Variants in MYOF observed in about 807,000 individuals in gnomAD.
The protein encoded by MYOF is fer-1-like 3, myoferlin.
A neutral mutation model predicts 284.2 loss-of-function variants in MYOF; 244 were observed. The ratio of observed to expected loss-of-function variants is 0.86; its 90% CI spans 0.77 to 0.95. The LOEUF is 0.95. Ranked by LOEUF, MYOF falls within the 40% of genes least tolerant of loss-of-function variation. The probability of loss-of-function intolerance (pLI) is 0.00; values close to 1 mark genes in which losing one functional copy is unlikely to be tolerated. For missense variants in MYOF, 2,496 were observed against 2,560.6 expected, an observed-to-expected ratio of 0.97 and a Z score of 0.54; for synonymous variants, 904 against 919.7, an observed-to-expected ratio of 0.98 and a Z score of 0.31.
chr10:93,475,247 C>T (rs2057233958), intron 1 of MYOF, among the ~76,000 whole-genome samples: 1 of 152,180 alleles, frequency 6.6e-6, no homozygotes, highest in Admixed American at 6.5e-5. Flanking sequence ...AAAGCACACC[C>T]CAGTGCAACA....
intron 3 of MYOF, among the ~76,000 whole-genome samples, chr10:93,431,746 CTTT>C (rs35400002): frequency 2.3e-5 from 3 of 131,788 alleles, no homozygotes; most frequent in Admixed American, 7.8e-5. Flanking sequence ...TCTTTCTTTT[CTTT>C]TTTTTTTTTT....
chr10:93,337,669 G>A, intron 40 of MYOF, 146 bp downstream of exon 40: 2 of 630,062 alleles, frequency 3.2e-6, no homozygotes, highest in South Asian at 4.5e-5. Context: ...ACTCATGCAA[G>A]AGGGCTCTCC....
chr10:93,451,931 T>A, intron 3 of MYOF, 119 bp downstream of exon 3: 1 of 787,084 alleles, frequency 1.3e-6, no homozygotes, highest in South Asian at 1.7e-5. Flanking sequence ...GGCATGGAAT[T>A]AAAGCACATT....
chr10:93,366,272 T>C, intron 26 of MYOF, 120 bp downstream of exon 26: 3 of 1,065,840 alleles, frequency 2.8e-6, no homozygotes, highest in East Asian at 2.4e-5. Flanking sequence ...ATGGACTTAG[T>C]TCTGCTCAGT....
chr10:93,379,158 C>G (rs1429195940), intron 21 of MYOF, among the ~76,000 whole-genome samples: 1 of 152,146 alleles, frequency 6.6e-6, no homozygotes, highest in Non-Finnish European at 1.5e-5. Context: ...AATCCCCAAC[C>G]TCCAAACAAA....
At chr10:93,374,677 T>A (rs1339949704) in intron 23 of MYOF, 86 bp downstream of exon 23, 4 of 1,374,612 alleles carry the variant, frequency 2.9e-6, no homozygotes, top group Non-Finnish European at 4.0e-6. Context: ...TGTAGTAGAT[T>A]CTCTTTCCAC....
intron 48 of MYOF, among the ~76,000 whole-genome samples, chr10:93,321,586 G>T (rs566269990): frequency 2.6e-5 from 4 of 151,970 alleles, no homozygotes; most frequent in African/African-American, 9.6e-5. Flanking sequence ...GTAACTCACT[G>T]AGGAGAGTTC....
intron 1 of MYOF, among the ~76,000 whole-genome samples, chr10:93,463,209 C>T (rs762346654): frequency 6.6e-6 from 1 of 152,088 alleles, no homozygotes; most frequent in Admixed American, 6.6e-5. Context: ...CGCCCTCTTG[C>T]GCGGAACCAT....
chr10:93,451,946 T>G (rs929760276), intron 3 of MYOF, 104 bp downstream of exon 3: 1 of 846,792 alleles, frequency 1.2e-6, no homozygotes, highest in Non-Finnish European at 1.9e-6. Context: ...CACATTTATA[T>G]TGGAAGTATT....
rs1455917103 is a variant in MYOF, at chr10:93,328,657, T to C, written c.5131+106A>G. ...TTAGTGTCACGTGCACAGTCTCATG[T>C]GGTATAATTAGGGTACTGGCTCTGT... On this transcript the variant is annotated intron_variant, in intron 45 of 53. Transcript: ENST00000359263. The C allele has an allele frequency of 8.5e-6, 10 of 1,174,820 alleles. No homozygotes were observed. In the East Asian group the frequency reaches 2.4e-4, roughly 28 times the overall value. The allele number at this position is 1,174,820 out of a possible 1,614,324, so 72.8% of individuals were successfully genotyped here.
chr10:93,363,768 T>C (rs1845185551), intron 27 of MYOF, among the ~76,000 whole-genome samples, 193 bp downstream of exon 27: 1 of 152,248 alleles, frequency 6.6e-6, no homozygotes, highest in African/African-American at 2.4e-5. Flanking sequence ...TCGAGTTAAA[T>C]AGGCCTCATT....
chr10:93,401,883 C>T (rs1847313416), intron 11 of MYOF, among the ~76,000 whole-genome samples: 3 of 151,976 alleles, frequency 2.0e-5, no homozygotes, highest in South Asian at 4.2e-4. Flanking sequence ...TGCAGTTTGC[C>T]ACCCAGTTTC....
At position 93,306,660 on chromosome 10, in the gene MYOF, C is replaced by T. The variant is rs1218025864; in HGVS notation, c.*303G>A. On this transcript the variant is annotated 3_prime_UTR_variant, in exon 54 of 54. Coordinates refer to ENST00000359263, the MANE Select transcript of MYOF (RefSeq NM_013451.4). ...ATTTCCAAAAGCTGAAGTCTAGAACCGAAGACACATATAAAAAGATGATTT... is the reference window on the plus strand; with the variant it reads ...ATTTCCAAAAGCTGAAGTCTAGAACTGAAGACACATATAAAAAGATGATTT... The T allele has an allele frequency of 4.5e-5, 15 of 336,340 alleles. No homozygotes were observed. In the East Asian group the frequency reaches 5.3e-4, roughly 12 times the overall value. The allele number at this position is 336,340 out of a possible 1,614,324, so 20.8% of individuals were successfully genotyped here.
chr10:93,407,229 C>A (rs1239418558), intron 7 of MYOF, among the ~76,000 whole-genome samples: 1 of 150,978 alleles, frequency 6.6e-6, no homozygotes. Flanking sequence ...AGTTTGAGAC[C>A]AGCCTGGGAA....
chr10:93,474,789 C>T (rs2057224192), intron 1 of MYOF, among the ~76,000 whole-genome samples: 1 of 151,722 alleles, frequency 6.6e-6, no homozygotes, highest in South Asian at 2.1e-4. Flanking sequence ...TCTTGTTGCC[C>T]AGGCTGGAGT....
At chr10:93,379,792 G>T in intron 21 of MYOF, 71 bp downstream of exon 21, 1 of 1,580,314 alleles carries the variant, frequency 6.3e-7, no homozygotes, top group Non-Finnish European at 8.6e-7. Flanking sequence ...TGTTATAGTG[G>T]CCTGGCCTCC....
intron 53 of MYOF, among the ~76,000 whole-genome samples, chr10:93,307,471 T>C (rs1842165394): frequency 6.6e-6 from 1 of 151,764 alleles, no homozygotes; most frequent in African/African-American, 2.4e-5. Context: ...CAGCTAATTT[T>C]TTATATTCTT....
Position 93,381,232 on chromosome 10 carries a change from A to G in MYOF, c.1863T>C (p.Arg621=). The change falls in exon 20 of 54, where the codon CGT becomes CGC. Residue 621 remains arginine (R), a synonymous_variant. Coordinates refer to ENST00000359263, the MANE Select transcript of MYOF (RefSeq NM_013451.4). The part of the protein sequence containing the change: ...KPLASTTQYS[R]AVFDGNYYYY... ...TGCCAATCTTACCATCAAATACAGC[A>G]CGGCTGTACTGAGTTGTTGATGCCA... The G allele has an allele frequency of 6.2e-7, 1 of 1,614,138 alleles. No homozygotes were observed. The highest frequency in any genetic ancestry group is 8.5e-7 in the Non-Finnish European group (1 of 1,180,032).
At chr10:93,375,067 C>A (rs1845773180) in intron 22 of MYOF, 112 bp from the exon 23 acceptor site, 2 of 1,046,876 alleles carry the variant, frequency 1.9e-6, no homozygotes, top group Non-Finnish European at 2.7e-6. Flanking sequence ...ACCACATCAA[C>A]CTCCTAACTG....
Sources: allele counts gnomAD v4.1 joint callset (sites outside exome capture counted in the v4.1 genomes callset), GRCh38; gene constraint gnomAD v4.1.1; transcripts MANE v1.5; gene names NCBI Gene and HGNC (gene_info 2026-07-23, HGNC 2026-07-21).